Variants in SLC25A26 observed in about 807,000 individuals in gnomAD.
SLC25A26 encodes the protein solute carrier family 25 member 26.
Under a neutral mutation model 37.8 loss-of-function variants are expected in SLC25A26, and 36 were observed. That is an observed-to-expected ratio of 0.95 (90% CI 0.73 to 1.26). The LOEUF (loss-of-function observed/expected upper bound fraction) is 1.26, where lower values mean the gene tolerates loss of function less well. SLC25A26 is among the 50% of genes most tolerant of loss of function. The pLI, the probability that SLC25A26 is intolerant of heterozygous loss-of-function variation, is 0.00. For synonymous variants in SLC25A26, 129 were observed against 122.5 expected, an observed-to-expected ratio of 1.05 and a Z score of -0.35; for missense variants, 390 against 331.1, an observed-to-expected ratio of 1.18 and a Z score of -1.38.
At chr3:66,344,950 C>T (rs2076286505) in intron 5 of SLC25A26, among the ~76,000 whole-genome samples, 1 of 152,178 alleles carries the variant, frequency 6.6e-6, no homozygotes, top group African/African-American at 2.4e-5. Flanking sequence ...GAACCTCAGT[C>T]TCATCAACTA....
At chr3:66,147,909 C>T (rs1483165656) in intron 1 of SLC25A26, among the ~76,000 whole-genome samples, 2 of 152,140 alleles carry the variant, frequency 1.3e-5, no homozygotes, top group Admixed American at 6.5e-5. Context: ...CAGGCGTGTA[C>T]CACCATGCCC....
intron 5 of SLC25A26, among the ~76,000 whole-genome samples, chr3:66,298,435 A>G (rs185066775): frequency 6.6e-6 from 1 of 152,318 alleles, no homozygotes; most frequent in African/African-American, 2.4e-5. Context: ...AGAAAAGTAA[A>G]TATGATTTAT....
At chr3:66,329,813 T>C (rs2075928591) in intron 5 of SLC25A26, among the ~76,000 whole-genome samples, 1 of 152,192 alleles carries the variant, frequency 6.6e-6, no homozygotes, top group Non-Finnish European at 1.5e-5. Flanking sequence ...TCCTCCTGCC[T>C]CAGACTCCCA....
At chr3:66,195,459 C>T (rs1215707554) in intron 1 of SLC25A26, among the ~76,000 whole-genome samples, 2 of 152,230 alleles carry the variant, frequency 1.3e-5, no homozygotes, top group Non-Finnish European at 2.9e-5. Flanking sequence ...GGGAGATCTG[C>T]TGCATCCTCT....
rs986393903 is a variant in SLC25A26 at position 66,260,318 on chromosome 3, G to A, written c.301-1733G>A. The stretch of plus-strand genomic sequence containing the variant: ...GCTTGTGTGGTATCTGGCTCCATAT[G>A]TATTTCTTGAACTGAATTAGATAAG... On this transcript the variant is annotated intron_variant, in intron 3 of 9. Coordinates refer to ENST00000354883, the MANE Select transcript of SLC25A26 (RefSeq NM_001379210.1). Among the ~76,000 whole-genome samples, 11 of 152,242 alleles carry A rather than the reference G, an allele frequency of 7.2e-5. No individual in the cohort carries two copies. The South Asian group carries it at 1.5e-3, about 20-fold the overall frequency.
At chr3:66,298,088 T>C (rs759706836) in intron 5 of SLC25A26, among the ~76,000 whole-genome samples, 2 of 152,230 alleles carry the variant, frequency 1.3e-5, no homozygotes, top group Non-Finnish European at 2.9e-5. Context: ...CCACTTGAGA[T>C]CTTCTGAATC....
At chr3:66,253,518 A>G (rs923350407) in intron 3 of SLC25A26, among the ~76,000 whole-genome samples, 4 of 152,010 alleles carry the variant, frequency 2.6e-5, no homozygotes, top group Non-Finnish European at 5.9e-5. Flanking sequence ...TGAAGATGGT[A>G]TACTGCTGGT....
chr3:66,300,259 T>TG (rs1275324088), intron 5 of SLC25A26, among the ~76,000 whole-genome samples: 2 of 143,996 alleles, frequency 1.4e-5, no homozygotes, highest in African/African-American at 5.4e-5. Flanking sequence ...TTGTTTTGTT[T>TG]TTTTTTTTTT....
chr3:66,222,147 G>A lies in SLC25A26; in HGVS notation c.33+1020G>A, dbSNP rs145934192. Among the ~76,000 whole-genome samples the A allele has an allele frequency of 4.8e-3, 726 of 151,950 alleles. 8 individuals carry two copies. The highest frequency in any genetic ancestry group is 0.016 in the African/African-American group (681 of 41,422). ...CTAGATTTGTTGAAACTTGTATAAG[G>A]TAGGTCTTAGAAATATAAAGAAATA... is the stretch of plus-strand genomic sequence containing the variant. On this transcript the variant is annotated intron_variant, in intron 1 of 9. Coordinates refer to ENST00000354883, the MANE Select transcript of SLC25A26 (RefSeq NM_001379210.1).
chr3:66,247,470 G>C (rs1280501902), intron 3 of SLC25A26, among the ~76,000 whole-genome samples: 1 of 151,960 alleles, frequency 6.6e-6, no homozygotes, highest in Non-Finnish European at 1.5e-5. Context: ...ACTATGCCTG[G>C]CTAATTTTTT....
chr3:66,135,624 G>A (rs2069935043), intron 1 of SLC25A26, among the ~76,000 whole-genome samples: 1 of 152,100 alleles, frequency 6.6e-6, no homozygotes, highest in Non-Finnish European at 1.5e-5. Flanking sequence ...AAAATTAGGT[G>A]GGCATGGTGG....
chr3:66,165,063 AACATTGCT>A (rs1469700426), intron 1 of SLC25A26, among the ~76,000 whole-genome samples: 2 of 152,206 alleles, frequency 1.3e-5, no homozygotes, highest in Non-Finnish European at 2.9e-5. Flanking sequence ...TATCCTGAAA[AACATTGCT>A]ACCTCTACCC....
At chr3:66,281,095 G>T (rs376485140) in intron 5 of SLC25A26, among the ~76,000 whole-genome samples, 1 of 152,086 alleles carries the variant, frequency 6.6e-6, no homozygotes, top group Admixed American at 6.6e-5. Context: ...ATAGACTTTT[G>T]TAGAGTCCGA....
At chr3:66,228,460 CATTA>C (rs1209548034) in intron 1 of SLC25A26, among the ~76,000 whole-genome samples, 1 of 152,160 alleles carries the variant, frequency 6.6e-6, no homozygotes, top group Non-Finnish European at 1.5e-5. Flanking sequence ...ATTTGGGTAA[CATTA>C]ATTAAATTCC....
At chr3:66,341,378 T>G (rs1375211462) in intron 5 of SLC25A26, among the ~76,000 whole-genome samples, 1 of 152,194 alleles carries the variant, frequency 6.6e-6, no homozygotes, top group Non-Finnish European at 1.5e-5. Flanking sequence ...AATTTGACAT[T>G]GCCATTATCT....
intron 5 of SLC25A26, among the ~76,000 whole-genome samples, chr3:66,315,400 G>T (rs2075509447): frequency 6.6e-6 from 1 of 152,108 alleles, no homozygotes; most frequent in Non-Finnish European, 1.5e-5. Flanking sequence ...TCAGAAGCAG[G>T]TTGTTCAATT....
At chr3:66,326,888 C>T (rs1455877867) in intron 5 of SLC25A26, among the ~76,000 whole-genome samples, 2 of 152,224 alleles carry the variant, frequency 1.3e-5, no homozygotes, top group Admixed American at 1.3e-4. Context: ...CTGGTCCTCT[C>T]CACACCTACT....
chr3:66,355,991 A>G (rs783129), intron 6 of SLC25A26: 230,614 of 455,274 alleles, frequency 0.51, 63,047 homozygotes, highest in African/African-American at 0.8. Flanking sequence ...ATTTTACTAC[A>G]TGTATAAAAA....
rs375949039 is a variant in SLC25A26, at chr3:66,182,887, G to A, written c.-353-37855G>A. 3.3e-4 allele frequency among the ~76,000 whole-genome samples: 51 copies of A among 152,282 alleles called. 2 individuals carry two copies. In the East Asian group the frequency reaches 9.7e-3, roughly 29 times the overall value. On this transcript the variant is annotated intron_variant, in intron 1 of 10. Transcript: ENST00000676754. ...CTGGGGAGGCATTTGGAACACAAAA[G>A]CAGATACTCCTGCTGTTCTAGATGG...
Sources: gnomAD v4.1 joint callset for allele counts (sites outside exome capture counted in the v4.1 genomes callset) on GRCh38, gnomAD v4.1.1 for gene constraint, MANE v1.5 for transcripts, NCBI Gene and HGNC (gene_info 2026-07-23, HGNC 2026-07-21) for gene names.